Variants in SFT2D3 observed in about 807,000 individuals in gnomAD.
SFT2D3 encodes vesicle transport protein SFT2C.
For missense variants in SFT2D3, 405 were observed against 334.6 expected, an observed-to-expected ratio of 1.21 and a Z score of -1.64; for synonymous variants, 239 against 191.2, an observed-to-expected ratio of 1.25 and a Z score of -2.06.
At position 127,702,299 on chromosome 2, in the gene SFT2D3, C is replaced by T. The variant is rs1389569552; in HGVS notation, c.*123C>T. The T allele has an allele frequency of 1.4e-5, 14 of 1,004,420 alleles. No homozygotes were observed. The highest frequency in any genetic ancestry group is 1.7e-5 in the African/African-American group (1 of 58,046). The allele number at this position is 1,004,420 out of a possible 1,614,324, so 62.2% of individuals were successfully genotyped here. A position where few individuals can be genotyped will look rare whatever the true frequency, so the allele number is the denominator to read the frequency against. Reference sequence around the variant, plus strand: ...CGTGGCGAAGGCCCTGCCCTAACAGCCTGCGAGTCTAATCCGGGAGCGGCT... The same window carrying T: ...CGTGGCGAAGGCCCTGCCCTAACAGTCTGCGAGTCTAATCCGGGAGCGGCT... On this transcript the variant is annotated 3_prime_UTR_variant, in exon 1 of 1. Coordinates refer to ENST00000310981, the MANE Select transcript of SFT2D3 (RefSeq NM_032740.4).
In SFT2D3 at chr2:127,701,704, A is replaced by C; in HGVS notation, c.176A>C (p.Glu59Ala). 2.3e-6 allele frequency: 3 copies of C among 1,324,638 alleles called. No homozygotes were observed. Among genetic ancestry groups the C allele is most frequent in the South Asian group, 2.0e-5 (1 of 51,004 alleles). The allele number at this position is 1,324,638 out of a possible 1,614,324, so 82.1% of individuals were successfully genotyped here. ...LRWTWARSPA[E>A]SAAAGLTCLP... ...TGGACGTGGGCGCGGAGCCCTGCGG[A>C]GTCGGCAGCGGCCGGCCTGACGTGC... The change falls in exon 1 of 1, where the codon GAG becomes GCG. Residue 59 changes from glutamate (E) to alanine (A), a missense_variant. Glu to Ala is a moderately radical substitution (Grantham distance 107, BLOSUM62 -1). Transcript: ENST00000310981.
In SFT2D3 at chr2:127,702,118, G is replaced by A. The variant is rs1685907317; in HGVS notation, c.590G>A (p.Arg197His). 3 of 1,218,952 alleles carry A rather than the reference G, an allele frequency of 2.5e-6. No individual in the cohort carries two copies. Among genetic ancestry groups the A allele is most frequent in the Admixed American group, 4.4e-5 (1 of 22,928 alleles). 75.5% of individuals were successfully genotyped at this position (1,218,952 alleles called of 1,614,324 possible). ...LLPWGGGTAL[R>H]LALGRLGRGA... Reference sequence around the variant, plus strand: ...CCCTGGGGCGGCGGCACCGCGCTGCGCCTCGCACTGGGTCGCCTGGGCCGC... The same window carrying A: ...CCCTGGGGCGGCGGCACCGCGCTGCACCTCGCACTGGGTCGCCTGGGCCGC... The change falls in exon 1 of 1, where the codon CGC becomes CAC. Residue 197 changes from arginine (R) to histidine (H), a missense_variant. By Grantham distance (29) the Arg-to-His change is conservative. Transcript: ENST00000310981.
At position 127,702,027 on chromosome 2, in the gene SFT2D3, C is replaced by CTGCTCACGG. The variant is rs1018704909; in HGVS notation, c.504_512dup (p.Thr169_Leu171dup). Reference sequence around the variant, plus strand: ...CGCCGCGCTGGGCCTTCGCAGCACGCTGCTCACGGTGCTGGGCGCGGGCGC... The same window carrying CTGCTCACGG: ...CGCCGCGCTGGGCCTTCGCAGCACGCTGCTCACGGTGCTCACGGTGCTGGGCGCGGGCGC... On this transcript the variant is annotated inframe_insertion, in exon 1 of 1. Coordinates refer to ENST00000310981, the MANE Select transcript of SFT2D3 (RefSeq NM_032740.4). 8 of 1,292,744 alleles carry CTGCTCACGG rather than the reference C, an allele frequency of 6.2e-6. No individual in the cohort carries two copies. The highest frequency in any genetic ancestry group is 7.8e-6 in the Non-Finnish European group (8 of 1,022,710). 80.1% of individuals were successfully genotyped at this position (1,292,744 alleles called of 1,614,324 possible).
At position 127,703,301 on chromosome 2, in the gene SFT2D3, C is replaced by CT. The variant is rs1685937445; in HGVS notation, c.*1130dup. The CT allele has an allele frequency of 6.0e-6, 1 of 167,060 alleles. No homozygotes were observed. Among genetic ancestry groups the CT allele is most frequent in the Non-Finnish European group, 1.5e-5 (1 of 68,140 alleles). The allele number at this position is 167,060 out of a possible 1,614,324, so 10.3% of individuals were successfully genotyped here. A position where few individuals can be genotyped will look rare whatever the true frequency, so the allele number is the denominator to read the frequency against. ...GGAAGTAGGTCCCAGACATCAGGACCTTTTTAAAGCTCCCCAAGTGATTCT... is the reference window on the plus strand; with the variant it reads ...GGAAGTAGGTCCCAGACATCAGGACCTTTTTTAAAGCTCCCCAAGTGATTCT... On this transcript the variant is annotated 3_prime_UTR_variant, in exon 1 of 1. Transcript: ENST00000310981.
Position 127,701,552 on chromosome 2 carries a change from G to C in SFT2D3, c.24G>C (p.Leu8=), listed in dbSNP as rs538593079. The stretch of plus-strand genomic sequence containing the variant: ...AGATGGCGGACCTCCACCGCCAGCT[G>C]CAGGAGTACCTGGCGCAGGGGAAAG... MADLHRQ[L]QEYLAQGKAG... Residue 8 remains leucine, a synonymous_variant, in exon 1 of 1, where the codon CTG becomes CTC. Transcript: ENST00000310981. The C allele has an allele frequency of 3.0e-4, 415 of 1,362,020 alleles. 4 individuals carry two copies. The African/African-American group carries it at 5.4e-3, about 18-fold the overall frequency. 84.4% of individuals were successfully genotyped at this position (1,362,020 alleles called of 1,614,324 possible). A position where few individuals can be genotyped will look rare whatever the true frequency, so the allele number is the denominator to read the frequency against.
rs1276907305 is a variant in SFT2D3 at position 127,702,159 on chromosome 2, A to C, written c.631A>C (p.Lys211Gln). The stretch of plus-strand genomic sequence containing the variant: ...CCTGGGCCGCGGCGCCGGCCTCGCC[A>C]AGGTGCTGCCCGTGTGAGGACCTCG... ...GRLGRGAGLA[K>Q]VLPV The change falls in exon 1 of 1, where the codon AAG becomes CAG. Residue 211 changes from lysine (K) to glutamine (Q), a missense_variant. Coordinates refer to ENST00000310981, the MANE Select transcript of SFT2D3 (RefSeq NM_032740.4). The C allele has an allele frequency of 2.5e-6, 3 of 1,215,112 alleles. No individual in the cohort carries two copies. The East Asian group carries it at 1.0e-4, about 41-fold the overall frequency. The allele number at this position is 1,215,112 out of a possible 1,614,324, so 75.3% of individuals were successfully genotyped here. A position where few individuals can be genotyped will look rare whatever the true frequency, so the allele number is the denominator to read the frequency against.
At position 127,702,444 on chromosome 2, in the gene SFT2D3, G is replaced by C. The variant is rs1036888488; in HGVS notation, c.*268G>C. ...TTGAACTGGTGACAGGATGTGAGAC[G>C]GTTATTAGAAGTTGCTTTCGAAGTA... On this transcript the variant is annotated 3_prime_UTR_variant, in exon 1 of 1. Coordinates refer to ENST00000310981, the MANE Select transcript of SFT2D3 (RefSeq NM_032740.4). 12 of 262,136 alleles carry C rather than the reference G, an allele frequency of 4.6e-5. No homozygotes were observed. Among genetic ancestry groups the C allele is most frequent in the Middle Eastern group, 1.3e-3 (1 of 790 alleles). The allele number at this position is 262,136 out of a possible 1,614,324, so 16.2% of individuals were successfully genotyped here. A position where few individuals can be genotyped will look rare whatever the true frequency, so the allele number is the denominator to read the frequency against.
Position 127,702,452 on chromosome 2 carries a change from G to T in SFT2D3, c.*276G>T, listed in dbSNP as rs1573868990. On this transcript the variant is annotated 3_prime_UTR_variant, in exon 1 of 1. Coordinates refer to ENST00000310981, the MANE Select transcript of SFT2D3 (RefSeq NM_032740.4). ...GTGACAGGATGTGAGACGGTTATTA[G>T]AAGTTGCTTTCGAAGTAACTGTGGT... The T allele has an allele frequency of 4.0e-6, 1 of 252,608 alleles. No individual in the cohort carries two copies. Among genetic ancestry groups the T allele is most frequent in the African/African-American group, 2.3e-5 (1 of 43,886 alleles). 15.6% of individuals were successfully genotyped at this position (252,608 alleles called of 1,614,324 possible). A position where few individuals can be genotyped will look rare whatever the true frequency, so the allele number is the denominator to read the frequency against.
At position 127,701,578 on chromosome 2, in the gene SFT2D3, C is replaced by T. The variant is rs1405926507; in HGVS notation, c.50C>T (p.Ala17Val). ...CAGGAGTACCTGGCGCAGGGGAAAG[C>T]TGGCGGCCCGGCGGCCGCGGAGCCG... ...QLQEYLAQGK[A>V]GGPAAAEPLL... The change falls in exon 1 of 1, where the codon GCT becomes GTT. Residue 17 changes from alanine (A) to valine (V), a missense_variant. Physicochemically the swap from Ala to Val is moderately conservative, Grantham distance 64 (BLOSUM62 0). Coordinates refer to ENST00000310981, the MANE Select transcript of SFT2D3 (RefSeq NM_032740.4). The T allele has an allele frequency of 9.5e-6, 13 of 1,363,016 alleles. No homozygotes were observed. Among genetic ancestry groups the T allele is most frequent in the Non-Finnish European group, 1.2e-5 (13 of 1,057,388 alleles). 84.4% of individuals were successfully genotyped at this position (1,363,016 alleles called of 1,614,324 possible).
rs146826165 is a variant in SFT2D3 at position 127,704,829 on chromosome 2, T to G, written c.*2653T>G. 3.6e-5 allele frequency: 6 copies of G among 167,100 alleles called. No homozygotes were observed. In the East Asian group the frequency reaches 1.2e-3, roughly 32 times the overall value. 10.4% of individuals were successfully genotyped at this position (167,100 alleles called of 1,614,324 possible). On this transcript the variant is annotated 3_prime_UTR_variant, in exon 1 of 1. Transcript: ENST00000310981. ...GCGGCCAGGTACTGTGGCTCAGATC[T>G]GCAATCCCAGCACTTTGGGAGGCCA...
In SFT2D3 at chr2:127,702,929, G is replaced by GT. The variant is rs1453561528; in HGVS notation, c.*754dup. The GT allele has an allele frequency of 6.0e-6, 1 of 167,046 alleles. No individual in the cohort carries two copies. Among genetic ancestry groups the GT allele is most frequent in the Non-Finnish European group, 1.5e-5 (1 of 68,116 alleles). The allele number at this position is 167,046 out of a possible 1,614,324, so 10.3% of individuals were successfully genotyped here. On this transcript the variant is annotated 3_prime_UTR_variant, in exon 1 of 1. Coordinates refer to ENST00000310981, the MANE Select transcript of SFT2D3 (RefSeq NM_032740.4). ...AGATAATTCTAGATCCGGAATACCT[G>GT]TATCTGGTGGAAACCATGGATTTCT...
Position 127,701,969 on chromosome 2 carries a change from G to C in SFT2D3, c.441G>C (p.Leu147=). Residue 147 remains leucine (L), a synonymous_variant, in exon 1 of 1, where the codon CTG becomes CTC. Coordinates refer to ENST00000310981, the MANE Select transcript of SFT2D3 (RefSeq NM_032740.4). The part of the protein sequence containing the change: ...RCEEAPSRPA[L]LYMAALGATL... The stretch of plus-strand genomic sequence containing the variant: ...AAGAAGCGCCGTCCCGGCCCGCGCT[G>C]CTCTACATGGCAGCGCTGGGCGCCA... The C allele has an allele frequency of 7.3e-7, 1 of 1,379,278 alleles. No individual in the cohort carries two copies. Among genetic ancestry groups the C allele is most frequent in the South Asian group, 1.5e-5 (1 of 64,682 alleles). 85.4% of individuals were successfully genotyped at this position (1,379,278 alleles called of 1,614,324 possible).
Position 127,701,532 on chromosome 2 carries a change from G to C in SFT2D3, c.4G>C (p.Ala2Pro). The change falls in exon 1 of 1, where the codon GCG (alanine) becomes CCG (proline). Residue 2 changes from alanine (A) to proline (P), a missense_variant. By Grantham distance (27) the Ala-to-Pro change is conservative (BLOSUM62 -1). Transcript: ENST00000310981. MADLHRQLQEYL... is the reference protein window; with the variant it reads MPDLHRQLQEYL... ...TTCTGCCACCGCCTTGTCCAAGATG[G>C]CGGACCTCCACCGCCAGCTGCAGGA... The C allele has an allele frequency of 1.5e-6, 2 of 1,332,086 alleles. No individual in the cohort carries two copies. Among genetic ancestry groups the C allele is most frequent in the East Asian group, 3.0e-5 (1 of 33,448 alleles). 82.5% of individuals were successfully genotyped at this position (1,332,086 alleles called of 1,614,324 possible).
rs1685880751 is a variant in SFT2D3 at position 127,701,599 on chromosome 2, A to AGCCGCTGCTC, written c.77_86dup (p.Glu30AlafsTer214). 5 of 1,351,304 alleles carry AGCCGCTGCTC rather than the reference A, an allele frequency of 3.7e-6. No individual in the cohort carries two copies. The highest frequency in any genetic ancestry group is 3.5e-5 in the Admixed American group (1 of 28,646). 83.7% of individuals were successfully genotyped at this position (1,351,304 alleles called of 1,614,324 possible). ...AAAGCTGGCGGCCCGGCGGCCGCGG[A>AGCCGCTGCTC]GCCGCTGCTCGCCGCGGAGAAGGCG... On this transcript the variant is annotated frameshift_variant, in exon 1 of 1. Coordinates refer to ENST00000310981, the MANE Select transcript of SFT2D3 (RefSeq NM_032740.4). LOFTEE classifies it low-confidence loss of function (END_TRUNC).
Position 127,701,595 on chromosome 2 carries a change from G to C in SFT2D3, c.67G>C (p.Ala23Pro). 1 of 1,353,546 alleles carries C rather than the reference G, an allele frequency of 7.4e-7. No individual in the cohort carries two copies. Among genetic ancestry groups the C allele is most frequent in the Non-Finnish European group, 9.5e-7 (1 of 1,053,998 alleles). 83.8% of individuals were successfully genotyped at this position (1,353,546 alleles called of 1,614,324 possible). The change falls in exon 1 of 1, where the codon GCG (alanine) becomes CCG (proline). Residue 23 changes from alanine to proline, a missense_variant. Physicochemically the swap from Ala to Pro is conservative, Grantham distance 27. Coordinates refer to ENST00000310981, the MANE Select transcript of SFT2D3 (RefSeq NM_032740.4). ...AQGKAGGPAA[A>P]EPLLAAEKAE... is the part of the protein sequence containing the mutation. ...GGGGAAAGCTGGCGGCCCGGCGGCC[G>C]CGGAGCCGCTGCTCGCCGCGGAGAA...
rs1558915726 is a variant in SFT2D3, at chr2:127,704,679, C to T, written c.*2503C>T. 6.0e-6 allele frequency: 1 copy of T among 167,068 alleles called. No individual in the cohort carries two copies. Among genetic ancestry groups the T allele is most frequent in the South Asian group, 2.1e-4 (1 of 4,832 alleles). The allele number at this position is 167,068 out of a possible 1,614,324, so 10.3% of individuals were successfully genotyped here. Reference sequence around the variant, plus strand: ...GCAGTGTATATGGCTGACATTTTCTCACTCCACAGAAATCAATTAGCTTTT... The same window carrying T: ...GCAGTGTATATGGCTGACATTTTCTTACTCCACAGAAATCAATTAGCTTTT... On this transcript the variant is annotated 3_prime_UTR_variant, in exon 1 of 1. Transcript: ENST00000310981.
At position 127,702,460 on chromosome 2, in the gene SFT2D3, T is replaced by G. The variant is rs1685917800; in HGVS notation, c.*284T>G. 4.2e-6 allele frequency: 1 copy of G among 240,376 alleles called. No homozygotes were observed. The highest frequency in any genetic ancestry group is 2.3e-5 in the African/African-American group (1 of 43,594). The allele number at this position is 240,376 out of a possible 1,614,324, so 14.9% of individuals were successfully genotyped here. Reference sequence around the variant, plus strand: ...ATGTGAGACGGTTATTAGAAGTTGCTTTCGAAGTAACTGTGGTCTTAGGTT... The same window carrying G: ...ATGTGAGACGGTTATTAGAAGTTGCGTTCGAAGTAACTGTGGTCTTAGGTT... On this transcript the variant is annotated 3_prime_UTR_variant, in exon 1 of 1. Coordinates refer to ENST00000310981, the MANE Select transcript of SFT2D3 (RefSeq NM_032740.4).
Position 127,701,940 on chromosome 2 carries a change from T to G in SFT2D3, c.412T>G (p.Cys138Gly), listed in dbSNP as rs1202266301. 1 of 1,420,638 alleles carries G rather than the reference T, an allele frequency of 7.0e-7. No homozygotes were observed. The highest frequency in any genetic ancestry group is 1.4e-5 in the South Asian group (1 of 71,092). The allele number at this position is 1,420,638 out of a possible 1,614,324, so 88.0% of individuals were successfully genotyped here. A position where few individuals can be genotyped will look rare whatever the true frequency, so the allele number is the denominator to read the frequency against. The change falls in exon 1 of 1, where the codon TGC (cysteine) becomes GGC (glycine). Residue 138 changes from cysteine to glycine, a missense_variant. Cys to Gly is a radical substitution (Grantham distance 159). Transcript: ENST00000310981. ...GGAACGRLLR[C>G]EEAPSRPALL... Reference sequence around the variant, plus strand: ...CGCGGCGTGCGGACGCCTGCTGCGCTGCGAAGAAGCGCCGTCCCGGCCCGC... The same window carrying G: ...CGCGGCGTGCGGACGCCTGCTGCGCGGCGAAGAAGCGCCGTCCCGGCCCGC...
Position 127,702,212 on chromosome 2 carries a change from A to G in SFT2D3, c.*36A>G. On this transcript the variant is annotated 3_prime_UTR_variant, in exon 1 of 1. Transcript: ENST00000310981. ...CCCTCGCCGCTGGGGAAGTACGCGG[A>G]GCCAGCGCCGTCGGAGACCGCGCCG... 8.3e-7 allele frequency: 1 copy of G among 1,208,206 alleles called. No individual in the cohort carries two copies. 74.8% of individuals were successfully genotyped at this position (1,208,206 alleles called of 1,614,324 possible).
Sources: allele counts gnomAD v4.1 joint callset, GRCh38; gene constraint gnomAD v4.1.1; transcripts MANE v1.5; gene names NCBI Gene and HGNC (gene_info 2026-07-23, HGNC 2026-07-21).